The following ATP9A variants were observed in gnomAD, a reference collection of about 807,000 sequenced individuals.
ATP9A encodes probable phospholipid-transporting ATPase IIA.
In ATP9A, 52 loss-of-function variants were observed where a neutral mutation model predicts 144.1. That is an observed-to-expected ratio of 0.36 (90% CI 0.29 to 0.45). The LOEUF is 0.45. Among genes scored for constraint, ATP9A ranks in the 20% least tolerant of loss-of-function variants. The pLI, the probability that ATP9A is intolerant of heterozygous loss-of-function variation, is 1.00. For synonymous variants in ATP9A, 582 were observed against 557.4 expected, an observed-to-expected ratio of 1.04 and a Z score of -0.62; for missense variants, 947 against 1,392.7, an observed-to-expected ratio of 0.68 and a Z score of 5.09.
intron 7 of ATP9A, 79 bp downstream of exon 7, chr20:51,693,929 C>A (rs1197339780): frequency 1.6e-6 from 2 of 1,233,334 alleles, no homozygotes; most frequent in African/African-American, 4.6e-5. Context: ...CCATCCCATG[C>A]CTGGCCCCCC....
At chr20:51,645,540 C>A (rs1412232243) in intron 14 of ATP9A, among the ~76,000 whole-genome samples, 11 of 149,812 alleles carry the variant, frequency 7.3e-5, no homozygotes, top group African/African-American at 1.2e-4. Context: ...AACAAACAAA[C>A]AAAAAAAAAA....
At chr20:51,753,131 G>C (rs2077839821) in intron 1 of ATP9A, among the ~76,000 whole-genome samples, 1 of 151,548 alleles carries the variant, frequency 6.6e-6, no homozygotes, top group Admixed American at 6.6e-5. Flanking sequence ...AGAAAGAAAA[G>C]AAAAAGAAAA....
chr20:51,651,028 G>A (rs984919245), intron 14 of ATP9A, among the ~76,000 whole-genome samples: 2 of 149,374 alleles, frequency 1.3e-5, no homozygotes, highest in African/African-American at 2.5e-5. Flanking sequence ...GCCCAGGCTC[G>A]AGTGCAGTGG....
chr20:51,599,106 G>A lies in ATP9A; in HGVS notation c.*2105C>T, dbSNP rs1203434242. On this transcript the variant is annotated 3_prime_UTR_variant, in exon 28 of 28. Transcript: ENST00000338821. The stretch of plus-strand genomic sequence containing the variant: ...AGGCCAGGGAGACCATCTTCATTCT[G>A]CTTCTGCTGGAAACCTCTAAAACTT... 1 of 152,194 alleles carries A rather than the reference G, an allele frequency of 6.6e-6. No individual in the cohort carries two copies. Among genetic ancestry groups the A allele is most frequent in the Non-Finnish European group, 1.5e-5 (1 of 68,034 alleles). 9.4% of individuals were successfully genotyped at this position (152,194 alleles called of 1,614,324 possible).
intron 3 of ATP9A, among the ~76,000 whole-genome samples, chr20:51,722,908 C>T (rs1282386259): frequency 2.6e-5 from 4 of 152,302 alleles, no homozygotes; most frequent in South Asian, 4.1e-4. Flanking sequence ...TGGCACAATT[C>T]ACAATTGCAA....
chr20:51,690,931 C>T, intron 7 of ATP9A, 112 bp from the exon 8 acceptor site: 2 of 843,270 alleles, frequency 2.4e-6, no homozygotes, highest in Non-Finnish European at 3.9e-6. Flanking sequence ...AGCAAATGGC[C>T]CCTCAAAATT....
chr20:51,668,121 C>T (rs367773139), intron 13 of ATP9A, among the ~76,000 whole-genome samples: 2 of 1,362 alleles, frequency 1.5e-3, no homozygotes, highest in Non-Finnish European at 2.2e-3. Flanking sequence ...TGGGAGTGGG[C>T]GAGGGGCTGG....
At chr20:51,750,121 A>T (rs143399337) in intron 1 of ATP9A, among the ~76,000 whole-genome samples, 3,318 of 152,216 alleles carry the variant, frequency 0.022, 132 homozygotes, top group African/African-American at 0.076. Flanking sequence ...CACCACTTGC[A>T]CTCCAGCCTG....
intron 9 of ATP9A, among the ~76,000 whole-genome samples, chr20:51,688,516 C>CG (rs1442911947): frequency 6.6e-6 from 1 of 151,872 alleles, no homozygotes; most frequent in African/African-American, 2.4e-5. Context: ...CGCTTGAACC[C>CG]GGGGGGCGGA....
In ATP9A at chr20:51,760,502, G is replaced by A. The variant is rs371969852; in HGVS notation, c.68+7800C>T. Among the ~76,000 whole-genome samples, 279 of 152,176 alleles carry A rather than the reference G, an allele frequency of 1.8e-3. 5 individuals are homozygous for A. The highest frequency in any genetic ancestry group is 6.0e-3 in the African/African-American group (249 of 41,522). ...AGCACTTTGGGAGGCCAAGGCAGGC[G>A]GATCACCTGAGGTCAGGAGTTCGAG... is the stretch of plus-strand genomic sequence containing the variant. On this transcript the variant is annotated intron_variant, in intron 1 of 27. Transcript: ENST00000338821.
chr20:51,760,503 G>A (rs981860438), intron 1 of ATP9A, among the ~76,000 whole-genome samples: 1 of 152,174 alleles, frequency 6.6e-6, no homozygotes, highest in African/African-American at 2.4e-5. Context: ...AAGGCAGGCG[G>A]ATCACCTGAG....
intron 1 of ATP9A, among the ~76,000 whole-genome samples, chr20:51,745,642 C>T (rs1019852956): frequency 6.6e-6 from 1 of 152,006 alleles, no homozygotes; most frequent in African/African-American, 2.4e-5. Flanking sequence ...CAGGAGACCC[C>T]CCACCAGAGA....
intron 9 of ATP9A, among the ~76,000 whole-genome samples, chr20:51,680,133 C>T (rs144474578): frequency 1.3e-3 from 201 of 149,822 alleles, no homozygotes; most frequent in Non-Finnish European, 2.1e-3. Context: ...GGGAGGCCGA[C>T]GCAGAAGAAT....
At chr20:51,693,560 T>G (rs2077557703) in intron 7 of ATP9A, among the ~76,000 whole-genome samples, 1 of 151,922 alleles carries the variant, frequency 6.6e-6, no homozygotes, top group Admixed American at 6.6e-5. Context: ...CAGGTGTCAC[T>G]ATGCTGCCCA....
chr20:51,651,173 C>T (rs2077363010), intron 14 of ATP9A, among the ~76,000 whole-genome samples: 1 of 70,266 alleles, frequency 1.4e-5, no homozygotes, highest in Non-Finnish European at 3.6e-5. Context: ...TATACACACA[C>T]ACACACAAAG....
At chr20:51,669,495 A>G (rs534216883) in intron 13 of ATP9A, among the ~76,000 whole-genome samples, 1 of 152,350 alleles carries the variant, frequency 6.6e-6, no homozygotes, top group Admixed American at 6.5e-5. Flanking sequence ...CAGTAACGTC[A>G]TGATTATTTC....
At chr20:51,601,864 A>G (rs1441348508) in intron 27 of ATP9A, among the ~76,000 whole-genome samples, 1 of 152,062 alleles carries the variant, frequency 6.6e-6, no homozygotes, top group Admixed American at 6.6e-5. Flanking sequence ...CCAACATTGC[A>G]CCACCGCACT....
intron 9 of ATP9A, among the ~76,000 whole-genome samples, chr20:51,688,527 G>A (rs956772167): frequency 1.3e-5 from 2 of 152,086 alleles, no homozygotes; most frequent in African/African-American, 4.8e-5. Context: ...GGGGGGCGGA[G>A]GTTACAGTGA....
intron 3 of ATP9A, among the ~76,000 whole-genome samples, chr20:51,724,185 T>A (rs1320952133): frequency 4.6e-5 from 7 of 151,488 alleles, no homozygotes; most frequent in Admixed American, 3.9e-4. Context: ...AATAAATAAA[T>A]AAAAATAAAA....
Sources: gnomAD v4.1 joint callset for allele counts (sites outside exome capture counted in the v4.1 genomes callset) on GRCh38, gnomAD v4.1.1 for gene constraint, MANE v1.5 for transcripts, NCBI Gene and HGNC (gene_info 2026-07-23, HGNC 2026-07-21) for gene names.